FA2H: variants seen among roughly 807,000 people sequenced by gnomAD.
The protein encoded by FA2H is fatty acid alpha-hydroxylase.
Under a neutral mutation model 44.9 loss-of-function variants are expected in FA2H, and 22 were observed. The observed-to-expected ratio is 0.49, with a 90% CI of 0.35 to 0.70. The LOEUF (loss-of-function observed/expected upper bound fraction) is 0.70, where lower values mean the gene tolerates loss of function less well. FA2H is among the 30% of genes least tolerant of loss of function. The pLI, the probability that FA2H is intolerant of heterozygous loss-of-function variation, is 0.01. For synonymous variants in FA2H, 243 were observed against 213.2 expected (o/e 1.14, Z -1.22); for missense variants, 501 against 504.9 (o/e 0.99, Z 0.07).
intron 4 of FA2H, 156 bp downstream of exon 4, chr16:74,726,066 ATTC>A (rs1427820543): frequency 1.6e-6 from 1 of 640,578 alleles, no homozygotes; most frequent in Non-Finnish European, 2.9e-6. Context: ...GTCAGACAAA[ATTC>A]TTCTTTGGAA....
chr16:74,756,114 G>A lies in FA2H; in HGVS notation c.271-15999C>T, dbSNP rs763144516. On this transcript the variant is annotated intron_variant, in intron 1 of 6. Coordinates refer to ENST00000219368, the MANE Select transcript of FA2H (RefSeq NM_024306.5). ...ATTCAAGTGGCTTTCCAGTAGAGGT[G>A]CCATGTTCCCCCTAGCAATCATGGC... Among the ~76,000 whole-genome samples, 3 of 152,210 alleles carry A rather than the reference G, an allele frequency of 2.0e-5. No homozygotes were observed. In the East Asian group the frequency reaches 5.8e-4, roughly 29 times the overall value.
chr16:74,739,203 G>A (rs532988827), intron 2 of FA2H, among the ~76,000 whole-genome samples: 3 of 152,162 alleles, frequency 2.0e-5, no homozygotes, highest in East Asian at 1.9e-4. Flanking sequence ...GTGAGCTCTC[G>A]CAGGGAGGGG....
chr16:74,757,135 T>A (rs1272566102), intron 1 of FA2H, among the ~76,000 whole-genome samples: 2 of 151,460 alleles, frequency 1.3e-5, no homozygotes, highest in African/African-American at 4.8e-5. Context: ...CCTTTACCTC[T>A]AAGGAGAGAT....
chr16:74,768,917 C>A (rs1962855680), intron 1 of FA2H, among the ~76,000 whole-genome samples: 3 of 151,910 alleles, frequency 2.0e-5, no homozygotes, highest in African/African-American at 4.8e-5. Flanking sequence ...GTCAGGCTTG[C>A]CTTCTCCCTA....
At chr16:74,742,343 G>C (rs1042764925) in intron 1 of FA2H, among the ~76,000 whole-genome samples, 2 of 152,170 alleles carry the variant, frequency 1.3e-5, no homozygotes, top group Non-Finnish European at 2.9e-5. Flanking sequence ...TCTGCCTGAG[G>C]GGGTGGGCCA....
intron 6 of FA2H, among the ~76,000 whole-genome samples, chr16:74,715,335 A>G (rs900695119): frequency 3.3e-5 from 5 of 152,174 alleles, no homozygotes; most frequent in Non-Finnish European, 1.5e-5. Flanking sequence ...TCTGTCACCC[A>G]GGCTGGGGTG....
At chr16:74,761,853 C>T (rs1178057239) in intron 1 of FA2H, among the ~76,000 whole-genome samples, 1 of 152,148 alleles carries the variant, frequency 6.6e-6, no homozygotes, top group East Asian at 1.9e-4. Context: ...ACTCACAACT[C>T]CATTGCCAAA....
intron 1 of FA2H, among the ~76,000 whole-genome samples, chr16:74,745,733 C>T (rs1962408456): frequency 6.6e-6 from 1 of 151,926 alleles, no homozygotes. Flanking sequence ...CCTGGCTCAT[C>T]ACCAGGCGTT....
At chr16:74,761,426 C>T (rs1962706616) in intron 1 of FA2H, among the ~76,000 whole-genome samples, 1 of 150,874 alleles carries the variant, frequency 6.6e-6, no homozygotes, top group Non-Finnish European at 1.5e-5. Context: ...GCACTCCAGC[C>T]TAGGCAACAG....
intron 5 of FA2H, among the ~76,000 whole-genome samples, chr16:74,718,437 A>G (rs1961756153): frequency 6.6e-6 from 1 of 152,082 alleles, no homozygotes; most frequent in Admixed American, 6.6e-5. Context: ...ACTGTCGTGG[A>G]GTCCTTGAAG....
chr16:74,715,418 G>A (rs1034680612), intron 6 of FA2H, among the ~76,000 whole-genome samples: 1 of 151,744 alleles, frequency 6.6e-6, no homozygotes, highest in Non-Finnish European at 1.5e-5. Flanking sequence ...CAGCCTTCTA[G>A]GTAGCTGAGA....
intron 1 of FA2H, among the ~76,000 whole-genome samples, chr16:74,757,854 A>C (rs1177858706): frequency 2.0e-5 from 3 of 151,844 alleles, no homozygotes; most frequent in Non-Finnish European, 4.4e-5. Flanking sequence ...CTGTCTCTAC[A>C]AAAAAAATAC....
intron 1 of FA2H, among the ~76,000 whole-genome samples, chr16:74,754,096 T>A (rs1462448636): frequency 6.6e-6 from 1 of 152,178 alleles, no homozygotes; most frequent in Non-Finnish European, 1.5e-5. Context: ...AGAAGTTGTT[T>A]AATAATAACT....
intron 1 of FA2H, among the ~76,000 whole-genome samples, chr16:74,771,330 A>G (rs1567653093): frequency 6.6e-6 from 1 of 152,014 alleles, no homozygotes; most frequent in East Asian, 1.9e-4. Context: ...AGCTGGGATT[A>G]CAGGCATGCA....
intron 4 of FA2H, 72 bp from the exon 5 acceptor site, chr16:74,719,232 C>A: frequency 7.3e-7 from 1 of 1,374,950 alleles, no homozygotes; most frequent in Non-Finnish European, 1.0e-6. Context: ...GTCCCTGCCT[C>A]ACCATCCCCA....
At chr16:74,716,324 G>A (rs751333594) in intron 6 of FA2H, 23 bp downstream of exon 6, 3 of 1,612,176 alleles carry the variant, frequency 1.9e-6, no homozygotes, top group Non-Finnish European at 1.7e-6. Flanking sequence ...ATAGGGGGCT[G>A]GGAAGCACAG....
At chr16:74,717,582 T>C (rs901261590) in intron 5 of FA2H, among the ~76,000 whole-genome samples, 1 of 152,242 alleles carries the variant, frequency 6.6e-6, no homozygotes, top group African/African-American at 2.4e-5. Flanking sequence ...ATGGGTGCTC[T>C]TGTGAGCTGG....
Position 74,727,275 on chromosome 16 carries a change from C to T in FA2H, c.475G>A (p.Asp159Asn), listed in dbSNP as rs1961979483. 6.2e-7 allele frequency: 1 copy of T among 1,614,146 alleles called. No individual in the cohort carries two copies. The highest frequency in any genetic ancestry group is 1.7e-5 in the Admixed American group (1 of 60,022). ...VTRPIRLFHS[D>N]LIEGLSKTVW... Reference sequence around the variant, plus strand: ...GTCTTAGAGAGGCCCTCAATGAGGTCTGAGTGGAAGAGGCGGATGGGCCTG... The same window carrying T: ...GTCTTAGAGAGGCCCTCAATGAGGTTTGAGTGGAAGAGGCGGATGGGCCTG... Residue 159 changes from aspartate to asparagine, a missense_variant, in exon 3 of 7, where the codon GAC (aspartate) becomes AAC (asparagine). Coordinates refer to ENST00000219368, the MANE Select transcript of FA2H (RefSeq NM_024306.5).
intron 1 of FA2H, among the ~76,000 whole-genome samples, chr16:74,755,045 G>A (rs1200203061): frequency 2.6e-5 from 4 of 152,192 alleles, no homozygotes. Flanking sequence ...CCCCCTAGAA[G>A]CCCGGAGAGG....
Sources: gnomAD v4.1 joint callset for allele counts (sites outside exome capture counted in the v4.1 genomes callset) on GRCh38, gnomAD v4.1.1 for gene constraint, MANE v1.5 for transcripts, NCBI Gene and HGNC (gene_info 2026-07-23, HGNC 2026-07-21) for gene names.